Variants in L3MBTL4 observed in about 807,000 individuals in gnomAD.
The protein encoded by L3MBTL4 is L3MBTL histone methyl-lysine binding protein 4, also known as lethal(3)malignant brain tumor-like protein 4.
Under a neutral mutation model 84.5 loss-of-function variants are expected in L3MBTL4, and 70 were observed. The ratio of observed to expected loss-of-function variants is 0.83; its 90% CI spans 0.68 to 1.01. L3MBTL4 has a LOEUF of 1.01. Ranked by LOEUF, L3MBTL4 falls within the 50% of genes least tolerant of loss-of-function variation. The pLI is 0.00. For synonymous variants in L3MBTL4, 274 were observed against 259.8 expected (o/e 1.05, Z -0.52); for missense variants, 715 against 754.8 (o/e 0.95, Z 0.62).
At chr18:6,115,492 C>T (rs1168880188) in intron 14 of L3MBTL4, among the ~76,000 whole-genome samples, 1 of 152,120 alleles carries the variant, frequency 6.6e-6, no homozygotes, top group African/African-American at 2.4e-5. Flanking sequence ...ATGATTCTAC[C>T]CATCCCACCC....
At chr18:6,004,997 ATTTTTTT>A (rs60294342) in intron 16 of L3MBTL4, among the ~76,000 whole-genome samples, 22 of 52,152 alleles carry the variant, frequency 4.2e-4, no homozygotes, top group South Asian at 2.4e-3. Context: ...TAAGATGATA[ATTTTTTT>A]TTTTTTTTTT....
chr18:6,221,234 C>G (rs1040039134), intron 10 of L3MBTL4, among the ~76,000 whole-genome samples: 1 of 152,136 alleles, frequency 6.6e-6, no homozygotes, highest in Non-Finnish European at 1.5e-5. Context: ...TGACCTGTCC[C>G]TTAGGAACTA....
At chr18:5,960,939 A>G (rs1216373383) in intron 17 of L3MBTL4, among the ~76,000 whole-genome samples, 1 of 152,082 alleles carries the variant, frequency 6.6e-6, no homozygotes, top group African/African-American at 2.4e-5. Context: ...GATTGAACAA[A>G]CCTGATAAAG....
intron 13 of L3MBTL4, among the ~76,000 whole-genome samples, chr18:6,154,070 C>G (rs1001785210): frequency 2.0e-5 from 3 of 152,120 alleles, no homozygotes; most frequent in Non-Finnish European, 2.9e-5. Context: ...TCTCTAATTA[C>G]TATGGCTTGG....
intron 1 of L3MBTL4, among the ~76,000 whole-genome samples, chr18:6,315,693 T>C (rs2051056211): frequency 6.6e-6 from 1 of 152,164 alleles, no homozygotes; most frequent in Non-Finnish European, 1.5e-5. Context: ...CTCAGTACGC[T>C]AGCCAAATCC....
chr18:6,283,079 G>A (rs1445399639), intron 4 of L3MBTL4, among the ~76,000 whole-genome samples: 5 of 152,136 alleles, frequency 3.3e-5, no homozygotes, highest in Admixed American at 6.5e-5. Flanking sequence ...GTTAAATCCA[G>A]CATGTAAGAG....
intron 13 of L3MBTL4, among the ~76,000 whole-genome samples, chr18:6,159,546 G>A (rs2043234470): frequency 6.6e-6 from 1 of 152,158 alleles, no homozygotes; most frequent in South Asian, 2.1e-4. Context: ...TACCCAAGCT[G>A]AGCGAGCAGC....
At position 6,208,981 on chromosome 18, in the gene L3MBTL4, C is replaced by T. The variant is rs143260475; in HGVS notation, c.981+4168G>A. On this transcript the variant is annotated intron_variant, in intron 12 of 18. Transcript: ENST00000317931. ...GTTTAAGTGGATTTATGAGGGTGAG[C>T]GAGTAGAGGATCTTGGATGAGGCTG... 3.3e-3 allele frequency among the ~76,000 whole-genome samples: 502 copies of T among 152,208 alleles called. 1 individual carries two copies. The highest frequency in any genetic ancestry group is 5.2e-3 in the Non-Finnish European group (354 of 68,012).
At chr18:6,184,935 C>T (rs1211625902) in intron 12 of L3MBTL4, among the ~76,000 whole-genome samples, 1 of 152,144 alleles carries the variant, frequency 6.6e-6, no homozygotes, top group African/African-American at 2.4e-5. Context: ...AAACTTGCAG[C>T]ATTATTTTTT....
chr18:6,156,296 A>G (rs1435505193), intron 13 of L3MBTL4, among the ~76,000 whole-genome samples: 6 of 152,210 alleles, frequency 3.9e-5, no homozygotes, highest in Non-Finnish European at 2.9e-5. Flanking sequence ...CCATAAGTGT[A>G]GAACTATTTC....
intron 16 of L3MBTL4, among the ~76,000 whole-genome samples, chr18:5,990,726 A>C (rs918090780): frequency 6.6e-6 from 1 of 151,982 alleles, no homozygotes; most frequent in Non-Finnish European, 1.5e-5. Context: ...TACAAAGTCT[A>C]AGCCCTGAAG....
intron 1 of L3MBTL4, among the ~76,000 whole-genome samples, chr18:6,355,064 A>G (rs1463583419): frequency 6.6e-6 from 1 of 152,222 alleles, no homozygotes; most frequent in Non-Finnish European, 1.5e-5. Flanking sequence ...CAGATAAAGT[A>G]AATGTGGTAC....
At chr18:6,155,152 G>A (rs2043051103) in intron 13 of L3MBTL4, among the ~76,000 whole-genome samples, 1 of 152,162 alleles carries the variant, frequency 6.6e-6, no homozygotes, top group African/African-American at 2.4e-5. Flanking sequence ...GAAGAGGTTT[G>A]GTAATGCAGG....
At chr18:6,099,139 G>A (rs2058731231) in intron 14 of L3MBTL4, among the ~76,000 whole-genome samples, 2 of 152,140 alleles carry the variant, frequency 1.3e-5, no homozygotes, top group Non-Finnish European at 2.9e-5. Flanking sequence ...CCCCGGGAAA[G>A]CAATGCCTTC....
chr18:6,017,619 GC>G (rs1278832472), intron 16 of L3MBTL4: 1 of 152,240 alleles, frequency 6.6e-6, no homozygotes, highest in African/African-American at 2.4e-5. Flanking sequence ...TTGGGTAACA[GC>G]CCATAATATC....
At chr18:6,379,438 A>C (rs2054507572) in intron 1 of L3MBTL4, among the ~76,000 whole-genome samples, 1 of 152,174 alleles carries the variant, frequency 6.6e-6, no homozygotes, top group African/African-American at 2.4e-5. Flanking sequence ...ATTCAGTATG[A>C]TATTGGCTGT....
chr18:6,224,088 G>A (rs983326163), intron 10 of L3MBTL4, among the ~76,000 whole-genome samples: 4 of 151,734 alleles, frequency 2.6e-5, no homozygotes, highest in Admixed American at 6.6e-5. Flanking sequence ...AAAATAGTAC[G>A]AATATAATGT....
rs375609427 is a variant in L3MBTL4 at position 5,969,477 on chromosome 18, G to A, written c.1530C>T (p.Pro510=). The stretch of plus-strand genomic sequence containing the variant: ...ACTTGCAGTGTTGCTCCCTGCCGAG[G>A]GGAAGGTCCCGAAAAGGGTGGGCTG... ...TVSAHPFRDL[P]LGREQHCKLL... is the part of the protein sequence containing the mutation. The change falls in exon 17 of 19, where the codon CCC becomes CCT. Residue 510 remains proline (P), a synonymous_variant. Coordinates refer to ENST00000317931, the MANE Select transcript of L3MBTL4 (RefSeq NM_001330559.2). 310 of 1,614,076 alleles carry A rather than the reference G, an allele frequency of 1.9e-4. 1 individual carries two copies. The African/African-American group carries it at 3.4e-3, about 18-fold the overall frequency.
intron 17 of L3MBTL4, among the ~76,000 whole-genome samples, chr18:5,961,651 A>G (rs2095263931): frequency 6.6e-6 from 1 of 152,224 alleles, no homozygotes. Context: ...TCCAAGCTCC[A>G]GGAGCATCTG....
Sources: allele counts gnomAD v4.1 joint callset (sites outside exome capture counted in the v4.1 genomes callset), GRCh38; gene constraint gnomAD v4.1.1; transcripts MANE v1.5; gene names NCBI Gene and HGNC (gene_info 2026-07-23, HGNC 2026-07-21).